CDC16: variants seen among roughly 807,000 people sequenced by gnomAD.
CDC16 encodes cell division cycle 16.
Under a neutral mutation model 87.0 loss-of-function variants are expected in CDC16, and 34 were observed. The ratio of observed to expected loss-of-function variants is 0.39; its 90% CI spans 0.30 to 0.52. The LOEUF is 0.52. Ranked by LOEUF, CDC16 falls within the 20% of genes least tolerant of loss-of-function variation. CDC16 has a pLI of 0.74. For synonymous variants in CDC16, 263 were observed against 260.6 expected, an observed-to-expected ratio of 1.01 and a Z score of -0.09; for missense variants, 653 against 751.9, an observed-to-expected ratio of 0.87 and a Z score of 1.54.
chr13:114,263,058 G>T, intron 16 of CDC16, 44 bp downstream of exon 16: 2 of 1,538,094 alleles, frequency 1.3e-6, no homozygotes, highest in South Asian at 2.3e-5. Context: ...GGTTAACATT[G>T]ACCACTTCCT....
chr13:114,260,466 T>C (rs17338221), intron 14 of CDC16, among the ~76,000 whole-genome samples: 104 of 152,330 alleles, frequency 6.8e-4, no homozygotes, highest in African/African-American at 2.4e-3. Context: ...AGAAGCCTGC[T>C]AGAAGTGCAG....
chr13:114,252,131 A>T (rs2082221994), intron 12 of CDC16, among the ~76,000 whole-genome samples: 1 of 150,620 alleles, frequency 6.6e-6, no homozygotes, highest in African/African-American at 2.4e-5. Context: ...TAAGAGCCCT[A>T]CACTAGCCCT....
intron 5 of CDC16, among the ~76,000 whole-genome samples, chr13:114,241,596 G>A (rs2081555629): frequency 6.6e-6 from 1 of 152,242 alleles, no homozygotes; most frequent in Non-Finnish European, 1.5e-5. Flanking sequence ...ATAAAGATGT[G>A]TTGGAACAGA....
At chr13:114,248,805 T>G (rs899379401) in intron 11 of CDC16, among the ~76,000 whole-genome samples, 2 of 152,144 alleles carry the variant, frequency 1.3e-5, no homozygotes, top group South Asian at 2.1e-4. Context: ...TGGTTGGTTG[T>G]ATGTTCAGCA....
Position 114,236,641 on chromosome 13 carries a change from G to A in CDC16, c.49-4G>A, listed in dbSNP as rs757368879. The A allele has an allele frequency of 1.9e-6, 3 of 1,579,484 alleles. No individual in the cohort carries two copies. Among genetic ancestry groups the A allele is most frequent in the Non-Finnish European group, 2.6e-6 (3 of 1,168,562 alleles). On this transcript the variant is annotated splice_polypyrimidine_tract_variant and splice_region_variant and intron_variant, in intron 1 of 17. Coordinates refer to ENST00000356221, the MANE Select transcript of CDC16 (RefSeq NM_001078645.3). ...TACCACCTTTTTTTTTTTTTGGTATGCAGCAACAGTATCAAAGTGCTCTAT... is the reference window on the plus strand; with the variant it reads ...TACCACCTTTTTTTTTTTTTGGTATACAGCAACAGTATCAAAGTGCTCTAT...
In CDC16 at chr13:114,269,339, C is replaced by T. The variant is rs1368241818; in HGVS notation, c.1604-2845C>T. Among the ~76,000 whole-genome samples the T allele has an allele frequency of 2.6e-5, 4 of 152,116 alleles. No individual in the cohort carries two copies. In the East Asian group the frequency reaches 7.7e-4, roughly 29 times the overall value. On this transcript the variant is annotated intron_variant, in intron 17 of 17. Coordinates refer to ENST00000356221, the MANE Select transcript of CDC16 (RefSeq NM_001078645.3). ...AACATCACTTCCGTCACGTTCTGTT[C>T]CATCAGTACAAGTCTCATAAGCTCA...
In CDC16 at chr13:114,246,976, A is replaced by C; in HGVS notation, c.943A>C (p.Lys315Gln). The part of the protein sequence containing the change: ...VGCYYLMVGH[K>Q]NEHARRYLSK... ...ATGTTACTATCTCATGGTCGGTCAT[A>C]AAAATGAACATGCCAGAAGATATCT... The change falls in exon 11 of 18, where the codon AAA (lysine) becomes CAA (glutamine). Residue 315 changes from lysine (K) to glutamine (Q), a missense_variant. Coordinates refer to ENST00000356221, the MANE Select transcript of CDC16 (RefSeq NM_001078645.3). 1 of 1,612,692 alleles carries C rather than the reference A, an allele frequency of 6.2e-7. No homozygotes were observed. The highest frequency in any genetic ancestry group is 8.5e-7 in the Non-Finnish European group (1 of 1,178,788).
chr13:114,269,298 A>G (rs2083449044), intron 17 of CDC16, among the ~76,000 whole-genome samples: 1 of 152,164 alleles, frequency 6.6e-6, no homozygotes, highest in Non-Finnish European at 1.5e-5. Flanking sequence ...GACCTCTTGA[A>G]AATTCAGAGT....
rs2081646509 is a variant in CDC16 at position 114,243,176 on chromosome 13, T to C, written c.542-81T>C. On this transcript the variant is annotated intron_variant, in intron 6 of 17. Transcript: ENST00000356221. Reference sequence around the variant, plus strand: ...TTTGATTTACTTAGACCAAGAACTGTAGAATCATATTTTTAGTTGTTGGCT... The same window carrying C: ...TTTGATTTACTTAGACCAAGAACTGCAGAATCATATTTTTAGTTGTTGGCT... 10 of 740,684 alleles carry C rather than the reference T, an allele frequency of 1.4e-5. No individual in the cohort carries two copies. The East Asian group carries it at 2.0e-4, about 15-fold the overall frequency. 45.9% of individuals were successfully genotyped at this position (740,684 alleles called of 1,614,324 possible). A position where few individuals can be genotyped will look rare whatever the true frequency, so the allele number is the denominator to read the frequency against.
Position 114,245,987 on chromosome 13 carries a change from T to C in CDC16, c.848-13T>C, listed in dbSNP as rs1229417853. The C allele has an allele frequency of 6.9e-7, 1 of 1,452,818 alleles. No homozygotes were observed. The allele number at this position is 1,452,818 out of a possible 1,614,324, so 90.0% of individuals were successfully genotyped here. A position where few individuals can be genotyped will look rare whatever the true frequency, so the allele number is the denominator to read the frequency against. ...TACGAACAATTGTTCTTTTTCTGCT[T>C]TTTCCTGAACAGAACTTTTCTATCT... On this transcript the variant is annotated splice_polypyrimidine_tract_variant and intron_variant, in intron 9 of 17. Transcript: ENST00000356221.
At position 114,264,431 on chromosome 13, in the gene CDC16, A is replaced by G. The variant is rs17338298; in HGVS notation, c.1513-719A>G. Among the ~76,000 whole-genome samples, 541 of 152,196 alleles carry G rather than the reference A, an allele frequency of 3.6e-3. 3 individuals are homozygous for G. Among genetic ancestry groups the G allele is most frequent in the African/African-American group, 0.012 (512 of 41,530 alleles). Reference sequence around the variant, plus strand: ...CATGGTAGCACATGCCTGTAGTCCCAGCTACTAGCCCTGCGCCCGGTCCCA... The same window carrying G: ...CATGGTAGCACATGCCTGTAGTCCCGGCTACTAGCCCTGCGCCCGGTCCCA... On this transcript the variant is annotated intron_variant, in intron 16 of 17. Transcript: ENST00000356221.
At chr13:114,246,120 T>C (rs2081857957) in intron 10 of CDC16, 71 bp downstream of exon 10, 3 of 670,378 alleles carry the variant, frequency 4.5e-6, no homozygotes, top group Admixed American at 6.8e-5. Flanking sequence ...TTAACTCGTA[T>C]TTAGACAATA....
At chr13:114,257,784 GGTTTTT>G (rs2082598902) in intron 13 of CDC16, among the ~76,000 whole-genome samples, 1 of 151,622 alleles carries the variant, frequency 6.6e-6, no homozygotes, top group African/African-American at 2.4e-5. Flanking sequence ...AGTTTTTTTT[GGTTTTT>G]GTTTTTGTTT....
At position 114,257,155 on chromosome 13, in the gene CDC16, G is replaced by C. The variant is rs564026196; in HGVS notation, c.1175G>C (p.Ser392Thr). Residue 392 changes from serine to threonine, a missense_variant, in exon 13 of 18, where the codon AGC becomes ACC. Physicochemically the swap from Ser to Thr is moderately conservative, Grantham distance 58. Coordinates refer to ENST00000356221, the MANE Select transcript of CDC16 (RefSeq NM_001078645.3). Reference protein sequence around the residue: ...NNSKLAERFFSQALSIAPEDP... With the variant: ...NNSKLAERFFTQALSIAPEDP... ...TCAAAACTAGCTGAAAGGTTCTTCA[G>C]CCAAGCTCTGAGCATTGCACCGGAA... 6.2e-7 allele frequency: 1 copy of C among 1,613,432 alleles called. No homozygotes were observed. The highest frequency in any genetic ancestry group is 1.3e-5 in the African/African-American group (1 of 75,046).
At chr13:114,243,787 A>G in intron 7 of CDC16, 69 bp from the exon 8 acceptor site, 1 of 1,366,386 alleles carries the variant, frequency 7.3e-7, no homozygotes. Context: ...TGGGCCAAAC[A>G]CAAATTGAAT....
intron 5 of CDC16, 106 bp downstream of exon 5, chr13:114,239,596 G>A: frequency 7.8e-7 from 1 of 1,274,006 alleles, no homozygotes; most frequent in Non-Finnish European, 9.9e-7. Flanking sequence ...TAAAACAATT[G>A]TGGTTGCCAA....
chr13:114,247,533 A>T (rs2081940776), intron 11 of CDC16, among the ~76,000 whole-genome samples: 1 of 152,026 alleles, frequency 6.6e-6, no homozygotes, highest in South Asian at 2.1e-4. Context: ...AGAAAAAAAA[A>T]ATCAGTGATG....
intron 5 of CDC16, among the ~76,000 whole-genome samples, chr13:114,241,069 T>C (rs1267163311): frequency 1.3e-5 from 2 of 152,224 alleles, no homozygotes; most frequent in Non-Finnish European, 2.9e-5. Flanking sequence ...CTGGATCATC[T>C]TTAAATTCAG....
rs748774580 is a variant in CDC16, at chr13:114,243,845, A to G, written c.634-11A>G. Reference sequence around the variant, plus strand: ...TCATTGAGTTTATGTTTACATTTCTATGTGTTTCAGTATAATAAGCCTAGT... The same window carrying G: ...TCATTGAGTTTATGTTTACATTTCTGTGTGTTTCAGTATAATAAGCCTAGT... On this transcript the variant is annotated splice_polypyrimidine_tract_variant and intron_variant, in intron 7 of 17. Coordinates refer to ENST00000356221, the MANE Select transcript of CDC16 (RefSeq NM_001078645.3). 24 of 1,598,642 alleles carry G rather than the reference A, an allele frequency of 1.5e-5. No individual in the cohort carries two copies. Among genetic ancestry groups the G allele is most frequent in the African/African-American group, 5.4e-5 (4 of 74,468 alleles).
Sources: gnomAD v4.1 joint callset for allele counts (sites outside exome capture counted in the v4.1 genomes callset) on GRCh38, gnomAD v4.1.1 for gene constraint, MANE v1.5 for transcripts, NCBI Gene and HGNC (gene_info 2026-07-23, HGNC 2026-07-21) for gene names.